The following SMIM41 variants were observed in gnomAD, a reference collection of about 807,000 sequenced individuals.
SMIM41 encodes the protein small integral membrane protein 41.
rs12308554 is a variant in SMIM41 at position 52,104,435 on chromosome 12, G to C, written c.*196-2944G>C. On this transcript the variant is annotated intron_variant, in intron 2 of 2. Transcript: ENST00000546390. ...CACCCTGTCTTCTTGCCAGCCTTGA[G>C]GATGGAGTCTGAGCCTCCATCGTGC... 6.0e-3 allele frequency: 1,017 copies of C among 170,440 alleles called. 9 individuals are homozygous for C. Among genetic ancestry groups the C allele is most frequent in the African/African-American group, 0.023 (971 of 41,992 alleles). The allele number at this position is 170,440 out of a possible 1,614,324, so 10.6% of individuals were successfully genotyped here.
At chr12:52,083,066 T>C (rs964634287) in intron 1 of SMIM41, among the ~76,000 whole-genome samples, 1 of 152,150 alleles carries the variant, frequency 6.6e-6, no homozygotes, top group African/African-American at 2.4e-5. Flanking sequence ...GGTGTGGGCC[T>C]GGACCTGGGA....
chr12:52,098,291 G>A (rs557653296), intron 2 of SMIM41, among the ~76,000 whole-genome samples: 5 of 138,926 alleles, frequency 3.6e-5, no homozygotes, highest in East Asian at 2.1e-4. Context: ...CACAAGGGGC[G>A]TGTACACACA....
At chr12:52,105,441 G>A (rs1013612559) in intron 2 of SMIM41, among the ~76,000 whole-genome samples, 2 of 152,208 alleles carry the variant, frequency 1.3e-5, no homozygotes, top group Non-Finnish European at 2.9e-5. Context: ...CTGTGGTTAA[G>A]ACCTCTGAGC....
rs576527556 is a variant in SMIM41 at position 52,080,129 on chromosome 12, C to T, written c.*68C>T. On this transcript the variant is annotated 3_prime_UTR_variant, in exon 1 of 3. Coordinates refer to ENST00000546390, the MANE Select transcript of SMIM41 (RefSeq NM_001369216.1). ...TGACTCCGAGCGGTCCGGAGCATGC[C>T]CGACGGCTGCTGCGGTCCCGACCCC... 3.0e-4 allele frequency: 105 copies of T among 346,364 alleles called. No individual in the cohort carries two copies. Among genetic ancestry groups the T allele is most frequent in the Non-Finnish European group, 4.9e-4 (95 of 192,378 alleles). The allele number at this position is 346,364 out of a possible 1,614,324, so 21.5% of individuals were successfully genotyped here.
intron 2 of SMIM41, among the ~76,000 whole-genome samples, chr12:52,093,897 G>C (rs936230448): frequency 6.6e-6 from 1 of 152,056 alleles, no homozygotes; most frequent in African/African-American, 2.4e-5. Flanking sequence ...TTGGGAGGCC[G>C]AGGCAGGTGG....
At chr12:52,095,359 CT>C (rs1239987866) in intron 2 of SMIM41, among the ~76,000 whole-genome samples, 1 of 151,948 alleles carries the variant, frequency 6.6e-6, no homozygotes, top group African/African-American at 2.4e-5. Context: ...TATCACCCCC[CT>C]CTCCCCCGCT....
At chr12:52,095,061 T>C (rs1592326406) in intron 2 of SMIM41, among the ~76,000 whole-genome samples, 1 of 151,270 alleles carries the variant, frequency 6.6e-6, no homozygotes, top group East Asian at 1.9e-4. Context: ...TCCTCCTGCC[T>C]CAGCCTCTGG....
chr12:52,103,298 G>C (rs1019070415), intron 2 of SMIM41, among the ~76,000 whole-genome samples: 4 of 150,488 alleles, frequency 2.7e-5, no homozygotes, highest in Non-Finnish European at 5.9e-5. Context: ...CTGCACTCCA[G>C]CCTGTGTGAT....
intron 2 of SMIM41, among the ~76,000 whole-genome samples, chr12:52,105,879 T>C (rs1940329384): frequency 6.6e-6 from 1 of 152,240 alleles, no homozygotes; most frequent in African/African-American, 2.4e-5. Flanking sequence ...TCTACTTATC[T>C]GTATGGCAAG....
chr12:52,099,527 C>A (rs1293037319), intron 2 of SMIM41, among the ~76,000 whole-genome samples: 1 of 151,938 alleles, frequency 6.6e-6, no homozygotes, highest in Non-Finnish European at 1.5e-5. Flanking sequence ...GGGTGTACAT[C>A]CGTGCGATAT....
chr12:52,097,515 T>C (rs1940122235), intron 2 of SMIM41, among the ~76,000 whole-genome samples: 1 of 152,092 alleles, frequency 6.6e-6, no homozygotes, highest in African/African-American at 2.4e-5. Flanking sequence ...CCTCCCTGCA[T>C]GTTAGCAGCC....
chr12:52,088,937 C>G (rs922787421), intron 2 of SMIM41, among the ~76,000 whole-genome samples: 5 of 152,024 alleles, frequency 3.3e-5, no homozygotes, highest in African/African-American at 4.8e-5. Context: ...GTGCCCACCC[C>G]TCTGCCAGGC....
chr12:52,100,403 A>AAAACAATATC (rs1435217199), intron 2 of SMIM41, among the ~76,000 whole-genome samples: 1 of 152,180 alleles, frequency 6.6e-6, no homozygotes, highest in Admixed American at 6.5e-5. Flanking sequence ...TGGATATTAG[A>AAAACAATATC]AAACAATATC....
Position 52,096,765 on chromosome 12 carries a change from AT to A in SMIM41, c.*196-10611del, listed in dbSNP as rs960934860. On this transcript the variant is annotated intron_variant, in intron 2 of 2. Transcript: ENST00000546390. ...ATATTATCAGTTATTAATATTGATA[AT>A]TTATATCAATTAATAATTGATATTA... is the stretch of plus-strand genomic sequence containing the variant. 1.3e-4 allele frequency among the ~76,000 whole-genome samples: 20 copies of A among 151,794 alleles called. No homozygotes were observed. The South Asian group carries it at 2.5e-3, about 19-fold the overall frequency.
Position 52,102,769 on chromosome 12 carries a change from C to T in SMIM41, c.*196-4610C>T, listed in dbSNP as rs143500910. 6.9e-3 allele frequency among the ~76,000 whole-genome samples: 1,051 copies of T among 152,206 alleles called. 8 individuals are homozygous for T. Among genetic ancestry groups the T allele is most frequent in the Admixed American group, 0.011 (174 of 15,292 alleles). ...GAATATGATTGGAGGGAATGTAAAA[C>T]CATGAAGGAACAGGGAAAATAGTAT... On this transcript the variant is annotated intron_variant, in intron 2 of 2. Coordinates refer to ENST00000546390, the MANE Select transcript of SMIM41 (RefSeq NM_001369216.1).
intron 2 of SMIM41, among the ~76,000 whole-genome samples, chr12:52,088,721 G>A (rs1391602768): frequency 6.6e-6 from 1 of 152,194 alleles, no homozygotes; most frequent in African/African-American, 2.4e-5. Flanking sequence ...TGTTGTCAGA[G>A]TCGTCTTCAG....
rs1242704061 is a variant in SMIM41, at chr12:52,079,987, ACCCGCGAGCAGCGCGCGT to A, written c.218_235del (p.Gln73_Glu78del). 4.5e-5 allele frequency: 17 copies of A among 379,638 alleles called. No individual in the cohort carries two copies. Among genetic ancestry groups the A allele is most frequent in the Non-Finnish European group, 7.5e-5 (16 of 213,956 alleles). 23.5% of individuals were successfully genotyped at this position (379,638 alleles called of 1,614,324 possible). On this transcript the variant is annotated inframe_deletion, in exon 1 of 3. Coordinates refer to ENST00000546390, the MANE Select transcript of SMIM41 (RefSeq NM_001369216.1). ...CGCCCAGGGCCTGACAGCGCTGCTG[ACCCGCGAGCAGCGCGCGT>A]CCCGCGAGCCCGAGCCGGGCAGTGC...
intron 2 of SMIM41, among the ~76,000 whole-genome samples, chr12:52,099,515 G>T (rs933891008): frequency 5.3e-5 from 8 of 151,908 alleles, no homozygotes; most frequent in African/African-American, 1.7e-4. Context: ...TCACGGGGTG[G>T]GGGGTGTACA....
rs1940363683 is a variant in SMIM41 at position 52,107,454 on chromosome 12, G to A, written c.*271G>A. On this transcript the variant is annotated 3_prime_UTR_variant, in exon 3 of 3. Coordinates refer to ENST00000546390, the MANE Select transcript of SMIM41 (RefSeq NM_001369216.1). ...CCATGTGCCTGGTCATGGTGCTGGG[G>A]AACCTGCTCATCATCCGGCCATGAG... 1.6e-6 allele frequency: 1 copy of A among 606,794 alleles called. No individual in the cohort carries two copies. The highest frequency in any genetic ancestry group is 3.2e-6 in the Non-Finnish European group (1 of 310,902). The allele number at this position is 606,794 out of a possible 1,614,324, so 37.6% of individuals were successfully genotyped here. A position where few individuals can be genotyped will look rare whatever the true frequency, so the allele number is the denominator to read the frequency against.
Sources: gnomAD v4.1 joint callset for allele counts (sites outside exome capture counted in the v4.1 genomes callset) on GRCh38, gnomAD v4.1.1 for gene constraint, MANE v1.5 for transcripts, NCBI Gene and HGNC (gene_info 2026-07-23, HGNC 2026-07-21) for gene names.